The following DLGAP2 variants were observed in gnomAD, a reference collection of about 807,000 sequenced individuals.
DLGAP2 encodes the protein DLG associated protein 2.
A neutral mutation model predicts 100.3 loss-of-function variants in DLGAP2; 26 were observed. The ratio of observed to expected loss-of-function variants is 0.26; its 90% CI spans 0.19 to 0.36. The LOEUF (loss-of-function observed/expected upper bound fraction) is 0.36. Ranked by LOEUF, DLGAP2 falls within the 10% of genes least tolerant of loss-of-function variation. The pLI is 1.00. For synonymous variants in DLGAP2, 886 were observed against 630.1 expected (o/e 1.41, Z -6.08); for missense variants, 1,858 against 1,453.2 (o/e 1.28, Z -4.53).
chr8:1,580,905 A>C (rs754097358), intron 6 of DLGAP2, among the ~76,000 whole-genome samples: 2 of 151,774 alleles, frequency 1.3e-5, no homozygotes, highest in African/African-American at 4.8e-5. Flanking sequence ...CCACACATCT[A>C]TACACCACAG....
intron 2 of DLGAP2, among the ~76,000 whole-genome samples, chr8:1,050,312 C>T (rs1381917806): frequency 6.6e-6 from 1 of 152,172 alleles, no homozygotes; most frequent in Non-Finnish European, 1.5e-5. Flanking sequence ...ATACGAGTGC[C>T]CCTCTGCTTC....
intron 6 of DLGAP2, among the ~76,000 whole-genome samples, chr8:1,605,756 G>T (rs772936110): frequency 1.3e-5 from 2 of 152,188 alleles, no homozygotes; most frequent in Non-Finnish European, 2.9e-5. Flanking sequence ...GAAGCCAGCA[G>T]CTCCCCACTC....
At chr8:941,943 C>T (rs187277037) in intron 2 of DLGAP2, among the ~76,000 whole-genome samples, 4 of 152,014 alleles carry the variant, frequency 2.6e-5, no homozygotes, top group Admixed American at 6.5e-5. Context: ...GGCTGGGAAG[C>T]GGGGGTGCTG....
chr8:1,329,413 C>A (rs1166481987), intron 3 of DLGAP2, among the ~76,000 whole-genome samples: 1 of 152,134 alleles, frequency 6.6e-6, no homozygotes, highest in Non-Finnish European at 1.5e-5. Flanking sequence ...TCAGCTAGAT[C>A]CGTTTTTCGA....
chr8:938,260 C>G (rs1046308186), intron 2 of DLGAP2, among the ~76,000 whole-genome samples: 1 of 152,130 alleles, frequency 6.6e-6, no homozygotes, highest in Non-Finnish European at 1.5e-5. Context: ...GAGAGAGACC[C>G]TTTGAAGGCT....
intron 2 of DLGAP2, among the ~76,000 whole-genome samples, chr8:1,242,515 T>A: frequency 6.6e-6 from 1 of 152,208 alleles, no homozygotes; most frequent in Non-Finnish European, 1.5e-5. Context: ...CCCCGCCCAC[T>A]TCCTCTTCAA....
At chr8:1,461,093 C>G (rs916243302) in intron 3 of DLGAP2, among the ~76,000 whole-genome samples, 2 of 151,534 alleles carry the variant, frequency 1.3e-5, no homozygotes, top group Admixed American at 1.3e-4. Flanking sequence ...GGAGAAGGTG[C>G]TGCTGTCACG....
intron 2 of DLGAP2, among the ~76,000 whole-genome samples, chr8:997,946 A>T (rs1435142339): frequency 6.7e-6 from 1 of 149,268 alleles, no homozygotes; most frequent in Non-Finnish European, 1.5e-5. Flanking sequence ...ATACAGACAA[A>T]CACATCACAC....
intron 1 of DLGAP2, among the ~76,000 whole-genome samples, chr8:826,399 A>G (rs1421614999): frequency 6.6e-6 from 1 of 151,926 alleles, no homozygotes; most frequent in Non-Finnish European, 1.5e-5. Flanking sequence ...CTTGGTCTTT[A>G]TTATTTCCTT....
intron 2 of DLGAP2, among the ~76,000 whole-genome samples, chr8:1,236,874 C>T (rs1198129308): frequency 1.0e-5 from 1 of 98,638 alleles, no homozygotes; most frequent in Non-Finnish European, 1.9e-5. Context: ...CACAGTGCAT[C>T]GTGTCTAGTT....
At chr8:1,133,055 T>G (rs908138073) in intron 2 of DLGAP2, among the ~76,000 whole-genome samples, 8 of 152,260 alleles carry the variant, frequency 5.3e-5, no homozygotes, top group Non-Finnish European at 7.4e-5. Flanking sequence ...TTAGTCGGGG[T>G]CAGAGCCTGT....
chr8:944,073 A>G (rs562453303), intron 2 of DLGAP2, among the ~76,000 whole-genome samples: 9 of 152,380 alleles, frequency 5.9e-5, no homozygotes, highest in South Asian at 2.1e-4. Flanking sequence ...GTATCTAACT[A>G]TATTGTATAA....
At chr8:888,566 C>T (rs2128995077) in intron 1 of DLGAP2, among the ~76,000 whole-genome samples, 1 of 149,440 alleles carries the variant, frequency 6.7e-6, no homozygotes, top group African/African-American at 2.5e-5. Context: ...TCTGTGGGGG[C>T]CATTTTTGTT....
chr8:1,332,581 C>T (rs1170448980), intron 3 of DLGAP2, among the ~76,000 whole-genome samples: 1 of 152,182 alleles, frequency 6.6e-6, no homozygotes. Context: ...CTTCCCTGCC[C>T]CTGGCTGTCA....
chr8:979,965 C>T (rs1800281640), intron 2 of DLGAP2, among the ~76,000 whole-genome samples: 1 of 152,228 alleles, frequency 6.6e-6, no homozygotes, highest in South Asian at 2.1e-4. Flanking sequence ...GCACGCAGAA[C>T]CATGGAGCTG....
chr8:798,907 C>T lies in DLGAP2; in HGVS notation c.18+61082C>T, dbSNP rs567596563. On this transcript the variant is annotated intron_variant, in intron 1 of 14. Coordinates refer to ENST00000637795, the MANE Select transcript of DLGAP2 (RefSeq NM_001346810.2). ...CAGCCAGGTGACGGGTGCCTGCTTC[C>T]GTTGGCACTGAAAGTAAACGCTTGT... is the stretch of plus-strand genomic sequence containing the variant. Among the ~76,000 whole-genome samples, 23 of 151,810 alleles carry T rather than the reference C, an allele frequency of 1.5e-4. No individual in the cohort carries two copies. In the South Asian group the frequency reaches 3.6e-3, roughly 23 times the overall value.
intron 2 of DLGAP2, among the ~76,000 whole-genome samples, chr8:946,156 C>T (rs1172522435): frequency 1.3e-5 from 2 of 152,058 alleles, no homozygotes; most frequent in Non-Finnish European, 1.5e-5. Context: ...CTTAGCGTGA[C>T]CCCCTGACTC....
intron 2 of DLGAP2, among the ~76,000 whole-genome samples, chr8:1,125,442 C>T (rs1220593829): frequency 6.6e-6 from 1 of 152,026 alleles, no homozygotes; most frequent in East Asian, 1.9e-4. Flanking sequence ...GTTTTTCAAC[C>T]AATTGTAGGT....
At position 919,639 on chromosome 8, in the gene DLGAP2, G is replaced by A. The variant is rs555235151; in HGVS notation, c.73+11673G>A. ...TACAGGATGGGGCCCCGGTGTGCCC[G>A]GGATCCGTCCGGCCGAGAAGCAGCA... On this transcript the variant is annotated intron_variant, in intron 2 of 14. Transcript: ENST00000637795. 9.8e-5 allele frequency among the ~76,000 whole-genome samples: 15 copies of A among 152,308 alleles called. No individual in the cohort carries two copies. The East Asian group carries it at 2.1e-3, about 22-fold the overall frequency.
Sources: allele counts gnomAD v4.1 joint callset (sites outside exome capture counted in the v4.1 genomes callset), GRCh38; gene constraint gnomAD v4.1.1; transcripts MANE v1.5; gene names NCBI Gene and HGNC (gene_info 2026-07-23, HGNC 2026-07-21).